PHF24: variants seen among roughly 807,000 people sequenced by gnomAD.
The protein encoded by PHF24 is Galpha inhibitory interacting protein.
Under a neutral mutation model 42.6 loss-of-function variants are expected in PHF24, and 25 were observed. The observed-to-expected ratio is 0.59, with a 90% confidence interval of 0.43 to 0.82. The LOEUF is 0.82. Ranked by LOEUF, PHF24 falls within the 40% of genes least tolerant of loss-of-function variation. The pLI, the probability that PHF24 is intolerant of heterozygous loss-of-function variation, is 0.00. For missense variants in PHF24, 470 were observed against 538.1 expected (o/e 0.87, Z 1.25); for synonymous variants, 185 against 204.8 (o/e 0.90, Z 0.83).
chr9:34,876,335 C>T, the PHF24 span, among the ~76,000 whole-genome samples: 1 of 152,178 alleles, frequency 6.6e-6, no homozygotes, highest in East Asian at 1.9e-4. Flanking sequence ...AATGAGGTGT[C>T]ACACCATGAA....
chr9:34,842,245 A>G, the PHF24 span, among the ~76,000 whole-genome samples: 9,165 of 152,250 alleles, frequency 0.06, 370 homozygotes, highest in Middle Eastern at 0.099. Context: ...GTTGATAGAC[A>G]TTTGAGTTAT....
chr9:34,927,037 A>G, the PHF24 span, among the ~76,000 whole-genome samples: 1 of 152,146 alleles, frequency 6.6e-6, no homozygotes, highest in African/African-American at 2.4e-5. Context: ...GGTCCTGAGC[A>G]TGGGAGCATA....
chr9:34,975,778 G>T (rs572518566), intron 3 of PHF24, among the ~76,000 whole-genome samples: 1 of 151,548 alleles, frequency 6.6e-6, no homozygotes, highest in Non-Finnish European at 1.5e-5. Flanking sequence ...AGATGGAGCC[G>T]CTCTGCTTGA....
At chr9:34,784,139 T>C in the PHF24 span, among the ~76,000 whole-genome samples, 2 of 152,332 alleles carry the variant, frequency 1.3e-5, no homozygotes, top group African/African-American at 4.8e-5. Flanking sequence ...ATATAAGATA[T>C]TCTCTAAGGA....
At chr9:34,784,768 T>C in the PHF24 span, among the ~76,000 whole-genome samples, 2 of 152,212 alleles carry the variant, frequency 1.3e-5, no homozygotes. Flanking sequence ...GTAAGACATA[T>C]GTTTTCTTAG....
At chr9:34,851,193 T>C in the PHF24 span, among the ~76,000 whole-genome samples, 1 of 152,192 alleles carries the variant, frequency 6.6e-6, no homozygotes, top group African/African-American at 2.4e-5. Context: ...GTCTGTGCCC[T>C]GCCCCCAGAG....
chr9:34,976,807 C>A lies in PHF24; in HGVS notation c.849+67C>A. Reference sequence around the variant, plus strand: ...ACAAGGGCCTGGGAGGCACGCTGGGCAGATTGGGGGAGCACTGGGTCCTGC... The same window carrying A: ...ACAAGGGCCTGGGAGGCACGCTGGGAAGATTGGGGGAGCACTGGGTCCTGC... On this transcript the variant is annotated intron_variant, in intron 5 of 7. Coordinates refer to ENST00000242315, the Ensembl canonical transcript of PHF24. 15 of 1,406,770 alleles carry A rather than the reference C, an allele frequency of 1.1e-5. No individual in the cohort carries two copies. In the South Asian group the frequency reaches 1.7e-4, roughly 16 times the overall value. 87.1% of individuals were successfully genotyped at this position (1,406,770 alleles called of 1,614,324 possible).
the PHF24 span, chr9:34,917,178 A>T: frequency 7.0e-7 from 1 of 1,420,438 alleles, no homozygotes; most frequent in Non-Finnish European, 9.9e-7. Flanking sequence ...TTCCACCATG[A>T]CCACCTCAGC....
At chr9:34,825,032 CAT>C in the PHF24 span, among the ~76,000 whole-genome samples, 678 of 152,228 alleles carry the variant, frequency 4.5e-3, 3 homozygotes, top group African/African-American at 0.015. Context: ...TTGTGGTTAA[CAT>C]AAAGTTTAGG....
At chr9:34,807,449 C>A in the PHF24 span, among the ~76,000 whole-genome samples, 3 of 152,080 alleles carry the variant, frequency 2.0e-5, no homozygotes, top group Non-Finnish European at 4.4e-5. Context: ...AAAAAAGATT[C>A]AAGAAAAGCC....
chr9:34,694,283 C>T, the PHF24 span, among the ~76,000 whole-genome samples: 1 of 148,580 alleles, frequency 6.7e-6, no homozygotes, highest in Non-Finnish European at 1.5e-5. Context: ...AATTCTCTTG[C>T]CTCAGCCACC....
upstream of PHF24, among the ~76,000 whole-genome samples, chr9:34,957,944 GCGCAGTCCCCGCGC>G (rs1826423618): frequency 6.6e-6 from 1 of 151,668 alleles, no homozygotes; most frequent in African/African-American, 2.4e-5. Context: ...TCGGCCGCTG[GCGCAGTCCCCGCGC>G]CGCAGTGCCG....
chr9:34,952,648 A>G (rs1387836212), upstream of PHF24, among the ~76,000 whole-genome samples: 2 of 152,216 alleles, frequency 1.3e-5, no homozygotes, highest in African/African-American at 4.8e-5. Context: ...ACAATGTAGT[A>G]TGGGCAAAAG....
the PHF24 span, among the ~76,000 whole-genome samples, chr9:34,695,505 G>T: frequency 1.2e-3 from 190 of 152,354 alleles, no homozygotes; most frequent in African/African-American, 4.5e-3. Flanking sequence ...CAGGTGGGTT[G>T]TGGAAACCCT....
chr9:34,740,944 G>A, the PHF24 span, among the ~76,000 whole-genome samples: 1 of 151,520 alleles, frequency 6.6e-6, no homozygotes, highest in South Asian at 2.1e-4. Context: ...GGAGTGCAGT[G>A]GTGTGATCTC....
the PHF24 span, among the ~76,000 whole-genome samples, chr9:34,672,868 A>G: frequency 2.0e-5 from 3 of 152,124 alleles, no homozygotes; most frequent in Non-Finnish European, 2.9e-5. Context: ...GTGCAGTGGC[A>G]TGATCATGGC....
chr9:34,773,223 C>T, the PHF24 span, among the ~76,000 whole-genome samples: 1 of 152,188 alleles, frequency 6.6e-6, no homozygotes, highest in Admixed American at 6.5e-5. Context: ...CTCCCAACCT[C>T]AGGTGATCCG....
chr9:34,978,293 C>T, exon 8 of PHF24: 1 of 592,340 alleles, frequency 1.7e-6, no homozygotes, highest in East Asian at 2.8e-5. Context: ...GCAGTGAATG[C>T]ATTGCCACAA....
the PHF24 span, chr9:34,832,697 C>T: frequency 6.5e-7 from 1 of 1,545,054 alleles, no homozygotes; most frequent in African/African-American, 1.4e-5. Context: ...GGCTGGGCTT[C>T]TTTTGAGTAT....
Sources: allele counts gnomAD v4.1 joint callset (sites outside exome capture counted in the v4.1 genomes callset), GRCh38; gene constraint gnomAD v4.1.1; transcripts MANE v1.5; gene names NCBI Gene and HGNC (gene_info 2026-07-23, HGNC 2026-07-21).